The following MPPED1 variants were observed in gnomAD, a reference collection of about 807,000 sequenced individuals.
The protein encoded by MPPED1 is metallophosphoesterase domain-containing protein 1.
A neutral mutation model predicts 36.2 loss-of-function variants in MPPED1; 16 were observed. That is an observed-to-expected ratio of 0.44 (90% CI 0.30 to 0.67). MPPED1 has a LOEUF of 0.67. Among genes scored for constraint, MPPED1 ranks in the 30% least tolerant of loss-of-function variants. MPPED1 has a pLI of 0.10. For missense variants in MPPED1, 307 were observed against 453.4 expected, an observed-to-expected ratio of 0.68 and a Z score of 2.93; for synonymous variants, 199 against 191.3, an observed-to-expected ratio of 1.04 and a Z score of -0.33.
At chr22:43,466,265 G>T (rs4591439) in intron 3 of MPPED1, among the ~76,000 whole-genome samples, 50,801 of 152,006 alleles carry the variant, frequency 0.33, 8,961 homozygotes, top group East Asian at 0.56. Context: ...GGCTGGATGA[G>T]GCCAGGGGGT....
At chr22:43,461,606 AG>A (rs1434602631) in intron 3 of MPPED1, among the ~76,000 whole-genome samples, 1 of 152,136 alleles carries the variant, frequency 6.6e-6, no homozygotes, top group South Asian at 2.1e-4. Flanking sequence ...TCTTGCCCAG[AG>A]TGTTATGTTG....
chr22:43,429,468 C>T lies in MPPED1; in HGVS notation c.224+4259C>T, dbSNP rs62234088. On this transcript the variant is annotated intron_variant, in intron 2 of 6. Transcript: ENST00000443721. ...GTCTTCCTCCTGCCTCAGGTCTTTG[C>T]CCATGCTGTTCCCTCTGATCCCAGC... is the stretch of plus-strand genomic sequence containing the variant. 2.0e-5 allele frequency among the ~76,000 whole-genome samples: 3 copies of T among 152,374 alleles called. No homozygotes were observed. In the East Asian group the frequency reaches 5.8e-4, roughly 29 times the overall value.
chr22:43,483,387 T>C (rs1454784485), intron 4 of MPPED1, among the ~76,000 whole-genome samples: 1 of 152,216 alleles, frequency 6.6e-6, no homozygotes, highest in Non-Finnish European at 1.5e-5. Context: ...GTCTCCACCC[T>C]GCCCCATGGC....
Position 43,490,977 on chromosome 22 carries a change from G to A in MPPED1, c.633-7258G>A, listed in dbSNP as rs553346945. On this transcript the variant is annotated intron_variant, in intron 4 of 6. Coordinates refer to ENST00000443721, the MANE Select transcript of MPPED1 (RefSeq NM_001044370.2). ...TCGGCTCTTCTCCACTAGGAACCGC[G>A]GAAGGAAAGCATTTTACTCTGTGAC... Among the ~76,000 whole-genome samples the A allele has an allele frequency of 7.2e-4, 97 of 135,160 alleles. No individual in the cohort carries two copies. The South Asian group carries it at 0.012, about 16-fold the overall frequency. The allele number at this position is 135,160 out of a possible 152,430, so 88.7% of individuals were successfully genotyped here.
At chr22:43,451,485 C>T (rs1044564511) in intron 3 of MPPED1, among the ~76,000 whole-genome samples, 14 of 152,176 alleles carry the variant, frequency 9.2e-5, no homozygotes, top group Admixed American at 3.3e-4. Context: ...TCACACCTTT[C>T]GGAGTGTGCA....
intron 1 of MPPED1, chr22:43,418,130 A>G (rs1929139018): frequency 2.2e-6 from 1 of 456,132 alleles, no homozygotes; most frequent in Admixed American, 2.3e-5. Flanking sequence ...TGTTCTGGGG[A>G]TGGCTGCCTT....
chr22:43,431,850 TGA>T (rs1400268494), intron 2 of MPPED1, among the ~76,000 whole-genome samples: 4 of 152,188 alleles, frequency 2.6e-5, no homozygotes, highest in Non-Finnish European at 2.9e-5. Context: ...TGTCGGGAAA[TGA>T]GAGTCTATTT....
intron 3 of MPPED1, among the ~76,000 whole-genome samples, chr22:43,468,160 C>T (rs1569079517): frequency 6.6e-6 from 1 of 152,210 alleles, no homozygotes; most frequent in Non-Finnish European, 1.5e-5. Flanking sequence ...ACTTAAATGT[C>T]TTTGCAACAA....
chr22:43,474,608 AC>A lies in MPPED1; in HGVS notation c.407-126del. On this transcript the variant is annotated intron_variant, in intron 3 of 6. Coordinates refer to ENST00000443721, the MANE Select transcript of MPPED1 (RefSeq NM_001044370.2). The surrounding 1 kb of genome is among the most constrained non-coding windows in gnomAD (Gnocchi z 5.2). ...GAGTACAAGATCGTGATCGCGGGCA[AC>A]CACGAGCTGACCTTTGACCAGGAGT... The A allele has an allele frequency of 6.5e-7, 1 of 1,543,372 alleles. No individual in the cohort carries two copies. Among genetic ancestry groups the A allele is most frequent in the Non-Finnish European group, 8.8e-7 (1 of 1,131,862 alleles).
chr22:43,435,275 C>A (rs1929917903), intron 3 of MPPED1, 60 bp downstream of exon 3: 1 of 1,521,230 alleles, frequency 6.6e-7, no homozygotes, highest in Non-Finnish European at 8.8e-7. Context: ...CTCCCGCCAG[C>A]TCCCGAGGCT....
At chr22:43,469,585 T>G (rs1931296314) in intron 3 of MPPED1, among the ~76,000 whole-genome samples, 1 of 119,568 alleles carries the variant, frequency 8.4e-6, no homozygotes. Context: ...TCCGTGATGG[T>G]CAGGCCATGC....
At chr22:43,452,488 G>A (rs1438847980) in intron 3 of MPPED1, among the ~76,000 whole-genome samples, 1 of 151,836 alleles carries the variant, frequency 6.6e-6, no homozygotes, top group East Asian at 1.9e-4. Context: ...ACTGTAGGGG[G>A]CCAGTCAGAA....
In MPPED1 at chr22:43,507,743, T is replaced by C. The variant is rs547588745; in HGVS notation, c.*2127T>C. On this transcript the variant is annotated 3_prime_UTR_variant, in exon 7 of 7. Transcript: ENST00000443721. ...ATTAAAAGTCCTCGAGGTATGAAGA[T>C]GACGGCGTGCTTCTCAATCATTTTG... The C allele has an allele frequency of 2.6e-5, 4 of 152,158 alleles. No homozygotes were observed. In the East Asian group the frequency reaches 5.8e-4, roughly 22 times the overall value. The allele number at this position is 152,158 out of a possible 1,614,324, so 9.4% of individuals were successfully genotyped here.
At chr22:43,456,776 G>A (rs1414577021) in intron 3 of MPPED1, among the ~76,000 whole-genome samples, 2 of 152,202 alleles carry the variant, frequency 1.3e-5, no homozygotes, top group East Asian at 1.9e-4. Flanking sequence ...GATTACAGGC[G>A]TGAGCCACCG....
At chr22:43,447,878 TATA>T (rs1439303074) in intron 3 of MPPED1, among the ~76,000 whole-genome samples, 16 of 33,174 alleles carry the variant, frequency 4.8e-4, no homozygotes, top group African/African-American at 2.6e-3. Context: ...TATATATATA[TATA>T]TATTTTTTTT....
Position 43,412,151 on chromosome 22 carries a change from G to C in MPPED1, c.-86G>C. The stretch of plus-strand genomic sequence containing the variant: ...CGCCGCGGCCGCCGAAGAGGAGCCC[G>C]GGGCCAGGTAGGACCGGAGGCGGGC... On this transcript the variant is annotated 5_prime_UTR_variant, in exon 1 of 7. Transcript: ENST00000443721. The C allele has an allele frequency of 1.0e-6, 1 of 979,962 alleles. No homozygotes were observed. Among genetic ancestry groups the C allele is most frequent in the Non-Finnish European group, 1.2e-6 (1 of 827,634 alleles). The allele number at this position is 979,962 out of a possible 1,614,324, so 60.7% of individuals were successfully genotyped here. A position where few individuals can be genotyped will look rare whatever the true frequency, so the allele number is the denominator to read the frequency against.
At chr22:43,436,511 AC>A (rs1216529000) in intron 3 of MPPED1, among the ~76,000 whole-genome samples, 1 of 152,264 alleles carries the variant, frequency 6.6e-6, no homozygotes, top group East Asian at 1.9e-4. Context: ...GATTTTTCAA[AC>A]GGGAAATTCT....
Position 43,435,052 on chromosome 22 carries a change from C to G in MPPED1, c.243C>G (p.His81Gln). ...CCTGCAGGGTGGACCCGGTGCCTCA[C>G]GATGCCCCCAAACCTCCAGGCTACA... ...PHVQMVDPVP[H>Q]DAPKPPGYTR... Residue 81 changes from histidine to glutamine, a missense_variant, in exon 3 of 7, where the codon CAC becomes CAG. By Grantham distance (24) the His-to-Gln change is conservative (BLOSUM62 0). Around this residue, in one of 3 missense-constraint regions of MPPED1, gnomAD observed 169 missense variants for 212.3 expected, o/e 0.80. Coordinates refer to ENST00000443721, the MANE Select transcript of MPPED1 (RefSeq NM_001044370.2). 1 of 1,613,666 alleles carries G rather than the reference C, an allele frequency of 6.2e-7. No individual in the cohort carries two copies. The highest frequency in any genetic ancestry group is 8.5e-7 in the Non-Finnish European group (1 of 1,179,836).
At chr22:43,487,791 T>G (rs1569086069) in intron 4 of MPPED1, among the ~76,000 whole-genome samples, 1 of 152,156 alleles carries the variant, frequency 6.6e-6, no homozygotes, top group Non-Finnish European at 1.5e-5. Context: ...GACTTCTCTG[T>G]GCTTCCGTTT....
Sources: allele counts gnomAD v4.1 joint callset (sites outside exome capture counted in the v4.1 genomes callset), GRCh38; gene constraint gnomAD v4.1.1; regional missense constraint gnomAD v4.1.1; non-coding constraint Gnocchi (gnomAD v3.1); transcripts MANE v1.5; gene names NCBI Gene and HGNC (gene_info 2026-07-23, HGNC 2026-07-21).